The following MTMR10 variants were observed in gnomAD, a reference collection of about 807,000 sequenced individuals.
MTMR10 encodes myotubularin related protein 10, also known as myotubularin-related protein 10.
MTMR10 carries 56 observed loss-of-function variants against 88.1 expected under a neutral mutation model. The observed-to-expected ratio is 0.64, with a 90% CI of 0.51 to 0.79. The LOEUF is 0.79. Ranked by LOEUF, MTMR10 falls within the 30% of genes least tolerant of loss-of-function variation. The pLI is 0.00. For missense variants in MTMR10, 883 were observed against 924.7 expected, an observed-to-expected ratio of 0.95 and a Z score of 0.58; for synonymous variants, 380 against 340.9, an observed-to-expected ratio of 1.11 and a Z score of -1.26.
the MTMR10 span, chr15:30,929,409 C>G: frequency 6.3e-7 from 1 of 1,582,036 alleles, no homozygotes; most frequent in Non-Finnish European, 8.6e-7. Flanking sequence ...TAATGGTTCA[C>G]CTGCATGGCA....
chr15:30,928,086 T>A, the MTMR10 span: 1 of 999,936 alleles, frequency 1.0e-6, no homozygotes, highest in Admixed American at 5.6e-5. Context: ...AGAACGGAGG[T>A]GGCTGCTGCC....
At position 30,947,307 on chromosome 15, in the gene MTMR10, A is replaced by G; in HGVS notation, c.1378-7T>C. 6.2e-7 allele frequency: 1 copy of G among 1,612,478 alleles called. No individual in the cohort carries two copies. The highest frequency in any genetic ancestry group is 1.1e-5 in the South Asian group (1 of 90,766). The stretch of plus-strand genomic sequence containing the variant: ...ATAGCAAAAATAAAGGAGACTGGCA[A>G]ATACAAAGAGACAATGGGATCATTT... On this transcript the variant is annotated splice_region_variant and splice_polypyrimidine_tract_variant and intron_variant, in intron 13 of 15. Coordinates refer to ENST00000435680, the MANE Select transcript of MTMR10 (RefSeq NM_017762.3).
the MTMR10 span, chr15:30,927,605 C>A: frequency 1.0e-6 from 1 of 985,540 alleles, no homozygotes. Flanking sequence ...TGGGTTGGGG[C>A]CTGTAAATGT....
the MTMR10 span, chr15:30,929,155 C>T: frequency 6.5e-3 from 10,143 of 1,556,980 alleles, 46 homozygotes; most frequent in Non-Finnish European, 7.4e-3. Context: ...CTGGTGAACA[C>T]GGCTCTCTGC....
chr15:30,989,173 A>G (rs2031146850), intron 2 of MTMR10, among the ~76,000 whole-genome samples: 2 of 152,238 alleles, frequency 1.3e-5, no homozygotes, highest in South Asian at 4.1e-4. Flanking sequence ...ATAGGCACTC[A>G]TTCAAGATGA....
chr15:30,951,928 G>A (rs2063253012), intron 12 of MTMR10, 40 bp downstream of exon 12: 19 of 1,545,954 alleles, frequency 1.2e-5, no homozygotes, highest in Non-Finnish European at 1.7e-5. Context: ...AGGCTGGCTG[G>A]TATGGTGGTC....
At chr15:30,930,650 C>G in the MTMR10 span, 2 of 1,612,586 alleles carry the variant, frequency 1.2e-6, no homozygotes, top group Non-Finnish European at 1.7e-6. Flanking sequence ...TGGTGTGGAA[C>G]TCCCAGAGCC....
chr15:30,963,898 A>G (rs1039891868), intron 6 of MTMR10, among the ~76,000 whole-genome samples: 1 of 152,196 alleles, frequency 6.6e-6, no homozygotes. Flanking sequence ...GCTATTCAAT[A>G]TTAGAAAATC....
intron 15 of MTMR10, chr15:30,942,404 G>A (rs2063085708): frequency 2.8e-6 from 1 of 352,078 alleles, no homozygotes. Flanking sequence ...ATGGCAAACT[G>A]AACAGAGGCA....
chr15:30,973,431 A>C (rs1330223560), intron 5 of MTMR10, among the ~76,000 whole-genome samples: 1 of 152,104 alleles, frequency 6.6e-6, no homozygotes, highest in Admixed American at 6.6e-5. Flanking sequence ...AAGTATATGA[A>C]GACAGCTGCC....
intron 11 of MTMR10, among the ~76,000 whole-genome samples, chr15:30,953,154 T>C (rs1369913193): frequency 1.3e-5 from 2 of 152,192 alleles, no homozygotes; most frequent in African/African-American, 4.8e-5. Context: ...GGTTGACTTA[T>C]GACAAAACTA....
rs959731112 is a variant in MTMR10 at position 30,941,328 on chromosome 15, CAT to C, written c.*140_*141del. ...TAAGTGTGAAAGAAGCATGATTCAA[CAT>C]GTTTTTAAATATTAGTGCAAATTCC... On this transcript the variant is annotated 3_prime_UTR_variant, in exon 16 of 16. Coordinates refer to ENST00000435680, the MANE Select transcript of MTMR10 (RefSeq NM_017762.3). 9 of 1,531,752 alleles carry C rather than the reference CAT, an allele frequency of 5.9e-6. No homozygotes were observed. In the African/African-American group the frequency reaches 1.1e-4, roughly 19 times the overall value. The allele number at this position is 1,531,752 out of a possible 1,614,324, so 94.9% of individuals were successfully genotyped here.
intron 2 of MTMR10, among the ~76,000 whole-genome samples, chr15:30,978,608 C>G (rs1304789190): frequency 1.3e-5 from 2 of 152,210 alleles, no homozygotes; most frequent in African/African-American, 4.8e-5. Flanking sequence ...AATAGGACAT[C>G]TGTCCTGTCT....
At position 30,960,598 on chromosome 15, in the gene MTMR10, T is replaced by C. The variant is rs528040039; in HGVS notation, c.758+283A>G. On this transcript the variant is annotated intron_variant, in intron 7 of 15. Transcript: ENST00000435680. ...GCAAATTCAATGTGAAGACTTTAGA[T>C]CCTGATATGAACAAACCAACTGTAA... 7.9e-5 allele frequency among the ~76,000 whole-genome samples: 12 copies of C among 152,270 alleles called. 1 individual carries two copies. The South Asian group carries it at 2.5e-3, about 32-fold the overall frequency.
At chr15:30,950,723 C>T (rs1214178975) in intron 12 of MTMR10, among the ~76,000 whole-genome samples, 2 of 151,940 alleles carry the variant, frequency 1.3e-5, no homozygotes, top group African/African-American at 4.8e-5. Context: ...TATTCATATA[C>T]TATGCAACAT....
chr15:30,929,904 AAATATATAAT>A, the MTMR10 span, among the ~76,000 whole-genome samples: 20 of 76,592 alleles, frequency 2.6e-4, 1 homozygote, highest in Middle Eastern at 6.1e-3. Flanking sequence ...ATAATATATA[AAATATATAAT>A]ATATATCATA....
At chr15:30,960,529 G>A (rs2063387103) in intron 7 of MTMR10, among the ~76,000 whole-genome samples, 1 of 152,114 alleles carries the variant, frequency 6.6e-6, no homozygotes, top group South Asian at 2.1e-4. Context: ...AAAAAGAGGT[G>A]GGAGGAGACT....
At chr15:30,984,839 T>C (rs1383267121) in intron 2 of MTMR10, among the ~76,000 whole-genome samples, 1 of 152,112 alleles carries the variant, frequency 6.6e-6, no homozygotes, top group East Asian at 1.9e-4. Flanking sequence ...GCACTCAAGA[T>C]TCAGAGCACA....
intron 5 of MTMR10, among the ~76,000 whole-genome samples, chr15:30,972,344 T>C (rs1401097516): frequency 3.3e-5 from 5 of 152,130 alleles, no homozygotes; most frequent in Non-Finnish European, 7.4e-5. Context: ...AAAAAAACTA[T>C]TTATATTCTC....
Sources: allele counts gnomAD v4.1 joint callset (sites outside exome capture counted in the v4.1 genomes callset), GRCh38; gene constraint gnomAD v4.1.1; transcripts MANE v1.5; gene names NCBI Gene and HGNC (gene_info 2026-07-23, HGNC 2026-07-21).